Variants in MBD3 observed in about 807,000 individuals in gnomAD.
The protein encoded by MBD3 is methyl-CpG binding domain protein 3, also known as methyl-CpG-binding domain protein 3.
A neutral mutation model predicts 31.2 loss-of-function variants in MBD3; 13 were observed. The observed-to-expected ratio is 0.42, with a 90% CI of 0.27 to 0.66. MBD3 has a LOEUF of 0.66. MBD3 is among the 30% of genes least tolerant of loss of function. The probability of loss-of-function intolerance (pLI) is 0.26; values close to 1 mark genes in which losing one functional copy is unlikely to be tolerated. For synonymous variants in MBD3, 223 were observed against 187.4 expected (o/e 1.19, Z -1.55); for missense variants, 440 against 426.5 (o/e 1.03, Z -0.28).
At chr19:1,587,033 T>C (rs1168834396) in intron 1 of MBD3, among the ~76,000 whole-genome samples, 1 of 150,194 alleles carries the variant, frequency 6.7e-6, no homozygotes, top group East Asian at 2.0e-4. Context: ...TGGTGCGATC[T>C]TGGCTCACTG....
rs758196242 is a variant in MBD3 at position 1,578,042 on chromosome 19, G to C, written c.*122C>G. 12 of 527,786 alleles carry C rather than the reference G, an allele frequency of 2.3e-5. No individual in the cohort carries two copies. In the East Asian group the frequency reaches 3.3e-4, roughly 15 times the overall value. 32.7% of individuals were successfully genotyped at this position (527,786 alleles called of 1,614,324 possible). A position where few individuals can be genotyped will look rare whatever the true frequency, so the allele number is the denominator to read the frequency against. On this transcript the variant is annotated 3_prime_UTR_variant, in exon 7 of 7. Coordinates refer to ENST00000434436, the MANE Select transcript of MBD3 (RefSeq NM_001281453.2). This position sits in a 1 kb window ranked among gnomAD's most constrained non-coding sequence, Gnocchi z 6.1. ...GGGCCGAGGAGGGAGCCAGGAGCAC[G>C]GCCTTCCTCCTGGGTGTCTCCAAGG...
intron 1 of MBD3, among the ~76,000 whole-genome samples, chr19:1,591,460 G>C (rs1316526070): frequency 6.6e-6 from 1 of 152,176 alleles, no homozygotes; most frequent in South Asian, 2.1e-4. Flanking sequence ...CGGTCGTTCT[G>C]CCCCTCCTTG....
intron 2 of MBD3, 166 bp downstream of exon 2, chr19:1,584,889 C>G: frequency 1.7e-6 from 2 of 1,153,700 alleles, no homozygotes; most frequent in Non-Finnish European, 2.4e-6. Flanking sequence ...CGCCATGCGC[C>G]TTGCGCTCTG....
intron 1 of MBD3, among the ~76,000 whole-genome samples, chr19:1,588,317 A>ACGTTCAGT (rs2060688330): frequency 6.6e-6 from 1 of 152,176 alleles, no homozygotes; most frequent in South Asian, 2.1e-4. Flanking sequence ...GGACTGGCTG[A>ACGTTCAGT]CGTTCAGTCG....
intron 3 of MBD3, among the ~76,000 whole-genome samples, chr19:1,584,277 T>C (rs2060666921): frequency 6.6e-6 from 1 of 152,056 alleles, no homozygotes; most frequent in Admixed American, 6.5e-5. Context: ...AGTGCAGTGG[T>C]GTGATCATAG....
chr19:1,588,779 CAAAAA>C (rs750933978), intron 1 of MBD3, among the ~76,000 whole-genome samples: 7 of 54,948 alleles, frequency 1.3e-4, no homozygotes, highest in East Asian at 5.3e-4. Context: ...ACTGTGTCTC[CAAAAA>C]AAAAAAAAAA....
intron 4 of MBD3, 116 bp downstream of exon 4, chr19:1,582,506 C>T (rs2060657516): frequency 2.0e-6 from 2 of 998,400 alleles, no homozygotes; most frequent in East Asian, 2.6e-5. Flanking sequence ...GGCAGATTTG[C>T]CCTAAGCACC....
Position 1,584,696 on chromosome 19 carries a change from G to A in MBD3, c.271-19C>T. On this transcript the variant is annotated intron_variant, in intron 2 of 6. Coordinates refer to ENST00000434436, the MANE Select transcript of MBD3 (RefSeq NM_001281453.2). ...GCTTGCCCTGCGGGAGGAAGGATAT[G>A]CAGTCCGGCCTGGGGGCGCCCCGGC... The A allele has an allele frequency of 7.5e-6, 12 of 1,607,452 alleles. No homozygotes were observed. The highest frequency in any genetic ancestry group is 1.0e-5 in the Non-Finnish European group (12 of 1,178,958).
chr19:1,589,905 G>A (rs1005329923), intron 1 of MBD3, among the ~76,000 whole-genome samples: 1 of 152,190 alleles, frequency 6.6e-6, no homozygotes, highest in African/African-American at 2.4e-5. Context: ...GGCTGGGGGA[G>A]TAACAAGTGG....
In MBD3 at chr19:1,574,111, G is replaced by C. The variant is rs1915036544; in HGVS notation, c.*4053C>G. ...GGTGGGGGATCACTTGAGGTCAGGA[G>C]TTCGTGACCAGCCTGGCTAACATGG... On this transcript the variant is annotated 3_prime_UTR_variant, in exon 7 of 7. Coordinates refer to ENST00000434436, the MANE Select transcript of MBD3 (RefSeq NM_001281453.2). The C allele has an allele frequency of 6.6e-6, 1 of 152,240 alleles. No individual in the cohort carries two copies. The highest frequency in any genetic ancestry group is 2.1e-4 in the South Asian group (1 of 4,832). The allele number at this position is 152,240 out of a possible 1,614,324, so 9.4% of individuals were successfully genotyped here.
chr19:1,592,476 T>A (rs766712263), intron 1 of MBD3, 46 bp downstream of exon 1: 1 of 1,109,558 alleles, frequency 9.0e-7, no homozygotes, highest in African/African-American at 1.7e-5. Context: ...CAGAGGCCGC[T>A]GGGAGGAGCC....
In MBD3 at chr19:1,573,898, A is replaced by G. The variant is rs943870843; in HGVS notation, c.*4266T>C. 2 of 152,178 alleles carry G rather than the reference A, an allele frequency of 1.3e-5. No individual in the cohort carries two copies. The highest frequency in any genetic ancestry group is 2.9e-5 in the Non-Finnish European group (2 of 68,052). 9.4% of individuals were successfully genotyped at this position (152,178 alleles called of 1,614,324 possible). A position where few individuals can be genotyped will look rare whatever the true frequency, so the allele number is the denominator to read the frequency against. ...GCGCCCGTAATCTCAGCTACTCAGC[A>G]GGCTGAGGCTGGAGAATCTATTGAA... On this transcript the variant is annotated 3_prime_UTR_variant, in exon 7 of 7. Transcript: ENST00000434436.
chr19:1,592,341 C>G (rs2145614415), intron 1 of MBD3, 181 bp downstream of exon 1: 1 of 171,902 alleles, frequency 5.8e-6, no homozygotes, highest in African/African-American at 2.4e-5. Flanking sequence ...TGCGGCCCAA[C>G]AAGCGGCGCA....
intron 1 of MBD3, chr19:1,592,259 G>A (rs1412556819): frequency 6.4e-6 from 1 of 155,844 alleles, no homozygotes; most frequent in East Asian, 1.9e-4. Context: ...AGGCGCCCCT[G>A]GCCCAGCGCG....
chr19:1,588,470 C>T (rs1331961729), intron 1 of MBD3, among the ~76,000 whole-genome samples: 1 of 152,054 alleles, frequency 6.6e-6, no homozygotes, highest in Admixed American at 6.6e-5. Context: ...AAAGAGAGGC[C>T]GTTCTGCCTT....
rs1917191816 is a variant in MBD3, at chr19:1,576,386, T to C, written c.*1778A>G. ...GCTTCCCTTCCTTTGGAAGGAGCGG[T>C]GCTGGGTCTGAGCCCCAGCCCATCT... On this transcript the variant is annotated 3_prime_UTR_variant, in exon 7 of 7. Coordinates refer to ENST00000434436, the MANE Select transcript of MBD3 (RefSeq NM_001281453.2). The C allele has an allele frequency of 6.6e-6, 1 of 152,276 alleles. No individual in the cohort carries two copies. Among genetic ancestry groups the C allele is most frequent in the African/African-American group, 2.4e-5 (1 of 41,428 alleles). 9.4% of individuals were successfully genotyped at this position (152,276 alleles called of 1,614,324 possible). A position where few individuals can be genotyped will look rare whatever the true frequency, so the allele number is the denominator to read the frequency against.
intron 1 of MBD3, among the ~76,000 whole-genome samples, chr19:1,589,263 G>A (rs1435680882): frequency 6.6e-6 from 1 of 150,862 alleles, no homozygotes; most frequent in Non-Finnish European, 1.5e-5. Flanking sequence ...CTCAGGAGGT[G>A]GAGGTCGCAG....
rs1203980867 is a variant in MBD3 at position 1,575,132 on chromosome 19, C to T, written c.*3032G>A. 1 of 411,750 alleles carries T rather than the reference C, an allele frequency of 2.4e-6. No homozygotes were observed. The highest frequency in any genetic ancestry group is 5.0e-6 in the Non-Finnish European group (1 of 201,560). 25.5% of individuals were successfully genotyped at this position (411,750 alleles called of 1,614,324 possible). A position where few individuals can be genotyped will look rare whatever the true frequency, so the allele number is the denominator to read the frequency against. ...GGGACACGTGAGGCTCTTGCTGCTG[C>T]TGGCAAGTGCCAGAAGGGCTGCCAT... On this transcript the variant is annotated 3_prime_UTR_variant, in exon 7 of 7. Coordinates refer to ENST00000434436, the MANE Select transcript of MBD3 (RefSeq NM_001281453.2).
At chr19:1,591,387 CTT>C (rs1286614006) in intron 1 of MBD3, among the ~76,000 whole-genome samples, 1 of 152,256 alleles carries the variant, frequency 6.6e-6, no homozygotes, top group Admixed American at 6.5e-5. Context: ...ACTTTTCTCA[CTT>C]TATCTCCCCA....
Sources: gnomAD v4.1 joint callset for allele counts (sites outside exome capture counted in the v4.1 genomes callset) on GRCh38, gnomAD v4.1.1 for gene constraint, Gnocchi (gnomAD v3.1) non-coding constraint, MANE v1.5 for transcripts, NCBI Gene and HGNC (gene_info 2026-07-23, HGNC 2026-07-21) for gene names.